The following SNRPA1 variants were observed in gnomAD, a reference collection of about 807,000 sequenced individuals.
SNRPA1 encodes U2 small nuclear ribonucleoprotein A'.
SNRPA1 carries 5 observed loss-of-function variants against 32.3 expected under a neutral mutation model. The observed-to-expected ratio is 0.15, with a 90% CI of 0.08 to 0.33. The LOEUF is 0.33. Among genes scored for constraint, SNRPA1 ranks in the 10% least tolerant of loss-of-function variants. SNRPA1 has a pLI of 1.00. For missense variants in SNRPA1, 198 were observed against 311.1 expected (o/e 0.64, Z 2.74); for synonymous variants, 111 against 120.1 (o/e 0.92, Z 0.50).
intron 8 of SNRPA1, among the ~76,000 whole-genome samples, chr15:101,283,491 A>G (rs78004606): frequency 0.02 from 3,089 of 152,000 alleles, 100 homozygotes; most frequent in East Asian, 0.094. Flanking sequence ...GCATGAACCC[A>G]GGAGGCGGAG....
chr15:101,285,374 A>C (rs1253742011), intron 7 of SNRPA1, among the ~76,000 whole-genome samples: 2 of 152,234 alleles, frequency 1.3e-5, no homozygotes, highest in African/African-American at 4.8e-5. Flanking sequence ...AATATTATAA[A>C]ACGAGGGTCC....
chr15:101,290,233 C>T (rs116542614), intron 3 of SNRPA1, among the ~76,000 whole-genome samples: 286 of 152,298 alleles, frequency 1.9e-3, no homozygotes, highest in Middle Eastern at 0.014. Context: ...CAGGGATAGT[C>T]AAATCCACTA....
At chr15:101,287,343 C>T (rs1023677221) in intron 4 of SNRPA1, among the ~76,000 whole-genome samples, 1 of 151,974 alleles carries the variant, frequency 6.6e-6, no homozygotes, top group African/African-American at 2.4e-5. Context: ...CCTTTCCCCA[C>T]CCCACAACAG....
At chr15:101,291,884 T>C (rs1190895037) in intron 3 of SNRPA1, 78 bp downstream of exon 3, 3 of 867,114 alleles carry the variant, frequency 3.5e-6, no homozygotes, top group Non-Finnish European at 5.6e-6. Flanking sequence ...ATTTTCTAGA[T>C]TTTGTAAATT....
rs547800903 is a variant in SNRPA1, at chr15:101,286,581, C to T, written c.460-288G>A. ...CTAATAAAGGGAAAAATCATCCTAA[C>T]ACACGGAGCTGCACGAAAGTAGGTT... On this transcript the variant is annotated intron_variant, in intron 5 of 8. Coordinates refer to ENST00000254193, the MANE Select transcript of SNRPA1 (RefSeq NM_003090.4). The T allele has an allele frequency of 7.8e-4, 372 of 476,076 alleles. 1 individual carries two copies. The highest frequency in any genetic ancestry group is 1.2e-3 in the Non-Finnish European group (316 of 270,034). 29.5% of individuals were successfully genotyped at this position (476,076 alleles called of 1,614,324 possible).
rs1258779041 is a variant in SNRPA1, at chr15:101,294,650, TTA to T, written c.82+445_82+446del. Among the ~76,000 whole-genome samples, 4 of 152,220 alleles carry T rather than the reference TTA, an allele frequency of 2.6e-5. No homozygotes were observed. The East Asian group carries it at 7.7e-4, about 29-fold the overall frequency. ...GAAACAATCGCGGTTGTTCGGGGAC[TTA>T]GTTTCCTCCCTCACATTAGGAATAA... On this transcript the variant is annotated intron_variant, in intron 1 of 8. Transcript: ENST00000254193.
chr15:101,288,242 TG>T (rs2141309772), intron 3 of SNRPA1: 1 of 142,320 alleles, frequency 7.0e-6, no homozygotes, highest in African/African-American at 2.8e-5. Flanking sequence ...GAAGGCAGGG[TG>T]ATTTTTTTTT....
chr15:101,287,249 T>C (rs377335707), intron 4 of SNRPA1, among the ~76,000 whole-genome samples: 66 of 152,362 alleles, frequency 4.3e-4, no homozygotes, highest in African/African-American at 1.6e-3. Flanking sequence ...GTTTGTTACA[T>C]ATGTATACAT....
At chr15:101,284,844 T>C in intron 8 of SNRPA1, 123 bp downstream of exon 8, 1 of 753,348 alleles carries the variant, frequency 1.3e-6, no homozygotes, top group South Asian at 1.4e-5. Flanking sequence ...AGAGATTTCA[T>C]ATATTAGATT....
rs938421289 is a variant in SNRPA1 at position 101,291,943 on chromosome 15, T to G, written c.309+19A>C. ...TTTAACCCCACCCACCAAATACATT[T>G]TCCTTCTGTGCAACTTACCAGTTCC... On this transcript the variant is annotated intron_variant, in intron 3 of 8. Coordinates refer to ENST00000254193, the MANE Select transcript of SNRPA1 (RefSeq NM_003090.4). The G allele has an allele frequency of 6.4e-7, 1 of 1,559,812 alleles. No homozygotes were observed. The highest frequency in any genetic ancestry group is 1.4e-5 in the African/African-American group (1 of 73,718).
At chr15:101,282,244 T>C (rs1320164553) in intron 8 of SNRPA1, among the ~76,000 whole-genome samples, 2 of 152,270 alleles carry the variant, frequency 1.3e-5, no homozygotes, top group African/African-American at 2.4e-5. Flanking sequence ...CAACAATTTA[T>C]GGCAGGTATT....
At chr15:101,287,281 C>A (rs2039466732) in intron 4 of SNRPA1, among the ~76,000 whole-genome samples, 1 of 152,076 alleles carries the variant, frequency 6.6e-6, no homozygotes. Context: ...GTGGGCTGCA[C>A]CCATTAACTT....
At chr15:101,294,091 C>G (rs1023400241) in intron 1 of SNRPA1, among the ~76,000 whole-genome samples, 3 of 152,162 alleles carry the variant, frequency 2.0e-5, no homozygotes, top group African/African-American at 7.2e-5. Context: ...AAAAATTAGC[C>G]GGGCGTGGTG....
At chr15:101,292,629 A>G (rs1390550951) in intron 2 of SNRPA1, among the ~76,000 whole-genome samples, 8 of 152,036 alleles carry the variant, frequency 5.3e-5, no homozygotes, top group African/African-American at 1.9e-4. Context: ...TCAAAAGTAT[A>G]ATTGTTACCT....
intron 3 of SNRPA1, among the ~76,000 whole-genome samples, chr15:101,291,425 T>C (rs910110047): frequency 6.6e-6 from 1 of 152,164 alleles, no homozygotes; most frequent in Non-Finnish European, 1.5e-5. Flanking sequence ...CATGTTAAAA[T>C]AGGTGAAACT....
intron 1 of SNRPA1, among the ~76,000 whole-genome samples, chr15:101,293,767 TTG>T (rs1261103368): frequency 2.6e-5 from 4 of 152,214 alleles, no homozygotes; most frequent in Non-Finnish European, 5.9e-5. Flanking sequence ...GGCATAATTA[TTG>T]TGTTAGGCAC....
intron 4 of SNRPA1, 94 bp from the exon 5 acceptor site, chr15:101,287,104 G>A: frequency 1.7e-6 from 1 of 572,224 alleles, no homozygotes; most frequent in Admixed American, 3.0e-5. Context: ...TAAATCAAGG[G>A]AACATTCACA....
chr15:101,285,007 C>G lies in SNRPA1; in HGVS notation c.669G>C (p.Leu223Phe). Residue 223 changes from leucine to phenylalanine, a missense_variant, in exon 8 of 9, where the codon TTG becomes TTC. Physicochemically the swap from Leu to Phe is conservative, Grantham distance 22. This residue lies in a region of SNRPA1 where 77 missense variants were observed against 120.1 expected (regional missense o/e 0.64). Coordinates refer to ENST00000254193, the MANE Select transcript of SNRPA1 (RefSeq NM_003090.4). Reference protein sequence around the residue: ...TLAEVERLKGLLQSGQIPGRE... With the variant: ...TLAEVERLKGFLQSGQIPGRE... ...TGCCAGGGATCTGACCAGACTGCAG[C>G]AACCCCTTCAGCCTCTCCACTTCAG... 11 of 1,614,068 alleles carry G rather than the reference C, an allele frequency of 6.8e-6. No homozygotes were observed. Among genetic ancestry groups the G allele is most frequent in the Non-Finnish European group, 9.3e-6 (11 of 1,179,934 alleles).
Position 101,293,102 on chromosome 15 carries a change from G to A in SNRPA1, c.153C>T (p.Asp51=), listed in dbSNP as rs557125509. Residue 51 remains aspartate (D), a synonymous_variant, in exon 2 of 9, where the codon GAC becomes GAT. Coordinates refer to ENST00000254193, the MANE Select transcript of SNRPA1 (RefSeq NM_003090.4). ...LDQFDAIDFS[D]NEIRKLDGFP... is the part of the protein sequence containing the mutation. ...AACCATCCAGTTTCCTGATCTCATTGTCAGAAAAATCAATAGCATCAAACT... is the reference window on the plus strand; with the variant it reads ...AACCATCCAGTTTCCTGATCTCATTATCAGAAAAATCAATAGCATCAAACT... The A allele has an allele frequency of 3.1e-6, 5 of 1,611,052 alleles. No individual in the cohort carries two copies. Among genetic ancestry groups the A allele is most frequent in the Non-Finnish European group, 3.4e-6 (4 of 1,177,838 alleles).
Sources: allele counts gnomAD v4.1 joint callset (sites outside exome capture counted in the v4.1 genomes callset), GRCh38; gene constraint gnomAD v4.1.1; regional missense constraint gnomAD v4.1.1; transcripts MANE v1.5; gene names NCBI Gene and HGNC (gene_info 2026-07-23, HGNC 2026-07-21).